Variants in FSTL5 observed in about 807,000 individuals in gnomAD.
FSTL5 encodes follistatin-related protein 5.
In FSTL5, 62 loss-of-function variants were observed where a neutral mutation model predicts 89.1. The ratio of observed to expected loss-of-function variants is 0.70; its 90% CI spans 0.57 to 0.86. FSTL5 has a LOEUF of 0.86. FSTL5 is among the 40% of genes least tolerant of loss of function. The pLI is 0.00. For synonymous variants in FSTL5, 383 were observed against 346.2 expected (o/e 1.11, Z -1.18); for missense variants, 1,057 against 1,001.6 (o/e 1.06, Z -0.75).
intron 3 of FSTL5, among the ~76,000 whole-genome samples, chr4:162,019,518 A>G (rs978275007): frequency 8.5e-5 from 13 of 152,156 alleles, no homozygotes; most frequent in African/African-American, 2.9e-4. Context: ...AATGTATCAT[A>G]TTTCTACTTA....
At chr4:161,680,656 T>A (rs1007768843) in intron 6 of FSTL5, among the ~76,000 whole-genome samples, 2 of 151,808 alleles carry the variant, frequency 1.3e-5, no homozygotes, top group African/African-American at 4.8e-5. Flanking sequence ...TTGTGTTTTT[T>A]TTTATTTCTA....
chr4:161,977,400 T>C (rs904221444), intron 3 of FSTL5, among the ~76,000 whole-genome samples: 1 of 151,812 alleles, frequency 6.6e-6, no homozygotes, highest in East Asian at 1.9e-4. Flanking sequence ...GTCATGAGGT[T>C]AGCAGATCGA....
chr4:161,676,599 C>T (rs1310029097), intron 6 of FSTL5, among the ~76,000 whole-genome samples: 1 of 151,840 alleles, frequency 6.6e-6, no homozygotes, highest in Non-Finnish European at 1.5e-5. Context: ...ACGTGTATAC[C>T]TATGTTAACA....
chr4:161,555,437 GC>G (rs1732354960), intron 8 of FSTL5, among the ~76,000 whole-genome samples: 1 of 150,726 alleles, frequency 6.6e-6, no homozygotes, highest in African/African-American at 2.4e-5. Flanking sequence ...AAAAAACATA[GC>G]CTGGCACATG....
intron 1 of FSTL5, among the ~76,000 whole-genome samples, chr4:162,115,224 G>T (rs1254425628): frequency 1.3e-5 from 2 of 152,024 alleles, no homozygotes; most frequent in African/African-American, 4.8e-5. Flanking sequence ...AAAAACAAAT[G>T]AATCCAATTA....
chr4:161,627,299 G>A (rs1735347386), intron 7 of FSTL5, among the ~76,000 whole-genome samples: 1 of 152,084 alleles, frequency 6.6e-6, no homozygotes, highest in Admixed American at 6.6e-5. Flanking sequence ...TCCTCCACTA[G>A]CAAAAAGAGT....
At chr4:161,406,758 G>A (rs1036244315) in intron 15 of FSTL5, among the ~76,000 whole-genome samples, 1 of 152,038 alleles carries the variant, frequency 6.6e-6, no homozygotes, top group East Asian at 1.9e-4. Context: ...CTCTTTTGTG[G>A]TTACTATTTG....
At chr4:161,896,721 A>G (rs1024551868) in intron 4 of FSTL5, among the ~76,000 whole-genome samples, 2 of 152,170 alleles carry the variant, frequency 1.3e-5, no homozygotes, top group African/African-American at 4.8e-5. Flanking sequence ...ATTACATAGG[A>G]AAAAATTATT....
intron 6 of FSTL5, among the ~76,000 whole-genome samples, chr4:161,705,859 A>C (rs1738546753): frequency 6.8e-6 from 1 of 147,546 alleles, no homozygotes; most frequent in African/African-American, 2.5e-5. Flanking sequence ...CAGGAAGGTC[A>C]AGACTGCATG....
chr4:161,879,404 A>C (rs780401525), intron 4 of FSTL5, among the ~76,000 whole-genome samples: 3 of 152,164 alleles, frequency 2.0e-5, no homozygotes, highest in Non-Finnish European at 4.4e-5. Flanking sequence ...TTAAAGCCTA[A>C]ATTTCTTCAC....
chr4:161,711,160 G>A (rs1050065402), intron 6 of FSTL5, among the ~76,000 whole-genome samples: 6 of 151,908 alleles, frequency 3.9e-5, no homozygotes, highest in Admixed American at 6.6e-5. Context: ...GGACAGGTAC[G>A]AGGAAATTAG....
chr4:162,140,474 G>A lies in FSTL5; in HGVS notation c.-17+23141C>T, dbSNP rs1732685558. On this transcript the variant is annotated intron_variant, in intron 1 of 15. Transcript: ENST00000306100. Reference sequence around the variant, plus strand: ...TATGAAAGCTGCAAGTCATCATAAGGAAAGAATCCAGTGAGGTCAGAGAGT... The same window carrying A: ...TATGAAAGCTGCAAGTCATCATAAGAAAAGAATCCAGTGAGGTCAGAGAGT... Among the ~76,000 whole-genome samples the A allele has an allele frequency of 3.9e-5, 6 of 152,248 alleles. No homozygotes were observed. The South Asian group carries it at 1.2e-3, about 32-fold the overall frequency.
intron 7 of FSTL5, among the ~76,000 whole-genome samples, chr4:161,606,809 G>A (rs2126631025): frequency 6.6e-6 from 1 of 152,210 alleles, no homozygotes; most frequent in East Asian, 1.9e-4. Flanking sequence ...ATGGGAGACT[G>A]TGAATCTAAA....
intron 14 of FSTL5, among the ~76,000 whole-genome samples, chr4:161,457,120 T>C (rs988276202): frequency 6.6e-6 from 1 of 152,192 alleles, no homozygotes; most frequent in African/African-American, 2.4e-5. Flanking sequence ...GAGTGAGAAA[T>C]GGCCTATTCT....
intron 8 of FSTL5, among the ~76,000 whole-genome samples, chr4:161,549,829 G>T (rs1432342658): frequency 6.6e-6 from 1 of 151,822 alleles, no homozygotes; most frequent in East Asian, 1.9e-4. Context: ...GACTCTATTT[G>T]GTGATTCAAA....
rs924027961 is a variant in FSTL5 at position 162,095,444 on chromosome 4, A to C, written c.126+15827T>G. 4.4e-4 allele frequency among the ~76,000 whole-genome samples: 67 copies of C among 152,256 alleles called. 1 individual carries two copies. Among genetic ancestry groups the C allele is most frequent in the East Asian group, 3.9e-4 (2 of 5,178 alleles). On this transcript the variant is annotated intron_variant, in intron 2 of 15. Coordinates refer to ENST00000306100, the MANE Select transcript of FSTL5 (RefSeq NM_020116.5). ...TTTCTCCAAATGACTTAGTCATTAG[A>C]ATCCTTTTTCAGTAGAACATTTCAC...
chr4:161,992,331 T>C (rs1260267403), intron 3 of FSTL5, among the ~76,000 whole-genome samples: 1 of 152,048 alleles, frequency 6.6e-6, no homozygotes, highest in African/African-American at 2.4e-5. Flanking sequence ...ACAAAAGCAG[T>C]AGAAGCAGAA....
At chr4:161,664,850 G>A (rs1274017091) in intron 6 of FSTL5, 1 of 181,286 alleles carries the variant, frequency 5.5e-6, no homozygotes, top group Non-Finnish European at 1.1e-5. Flanking sequence ...CAGAATCATT[G>A]TGGGAGGTGA....
At chr4:161,972,065 C>A (rs1735500365) in intron 3 of FSTL5, among the ~76,000 whole-genome samples, 1 of 152,068 alleles carries the variant, frequency 6.6e-6, no homozygotes. Flanking sequence ...CTCCACTTCT[C>A]TGATTAATTT....
Sources: allele counts gnomAD v4.1 joint callset (sites outside exome capture counted in the v4.1 genomes callset), GRCh38; gene constraint gnomAD v4.1.1; transcripts MANE v1.5; gene names NCBI Gene and HGNC (gene_info 2026-07-23, HGNC 2026-07-21).